COL22A1: variants seen among roughly 807,000 people sequenced by gnomAD.
The protein encoded by COL22A1 is collagen alpha-1(XXII) chain.
COL22A1 carries 221 observed loss-of-function variants against 248.9 expected under a neutral mutation model. That is an observed-to-expected ratio of 0.89 (90% CI 0.80 to 0.99). The LOEUF is 0.99. Among genes scored for constraint, COL22A1 ranks in the 50% least tolerant of loss-of-function variants. The probability of loss-of-function intolerance (pLI) is 0.00; values close to 1 mark genes in which losing one functional copy is unlikely to be tolerated. For synonymous variants in COL22A1, 891 were observed against 793.4 expected (o/e 1.12, Z -2.07); for missense variants, 2,240 against 2,179.0 (o/e 1.03, Z -0.56).
In COL22A1 at chr8:138,589,305, C is replaced by G; in HGVS notation, c.4829G>C (p.Cys1610Ser). Residue 1610 changes from cysteine (C) to serine (S), a missense_variant, in exon 65 of 65, where the codon TGT (cysteine) becomes TCT (serine). Transcript: ENST00000303045. Reference sequence around the variant, plus strand: ...GGCAGCAAGGCTGGCGAAGTAGGCACACTGGGAAGGGTCACATTGGCCTGG... The same window carrying G: ...GGCAGCAAGGCTGGCGAAGTAGGCAGACTGGGAAGGGTCACATTGGCCTGG... The part of the protein sequence containing the change: ...GPPGQCDPSQ[C>S]AYFASLAARP... 1 of 1,613,840 alleles carries G rather than the reference C, an allele frequency of 6.2e-7. No individual in the cohort carries two copies.
At chr8:138,598,516 T>C (rs1364844526) in intron 61 of COL22A1, among the ~76,000 whole-genome samples, 3 of 152,248 alleles carry the variant, frequency 2.0e-5, no homozygotes, top group East Asian at 3.8e-4. Context: ...TTGATCATCA[T>C]AAATCAGAAG....
chr8:138,745,087 T>C (rs1452422433), intron 22 of COL22A1, among the ~76,000 whole-genome samples: 1 of 152,240 alleles, frequency 6.6e-6, no homozygotes, highest in Admixed American at 6.5e-5. Context: ...TTTCTCACTG[T>C]GAGTCTCAAA....
intron 22 of COL22A1, among the ~76,000 whole-genome samples, chr8:138,742,250 A>T (rs1485305608): frequency 6.9e-6 from 1 of 145,308 alleles, no homozygotes; most frequent in Non-Finnish European, 1.5e-5. Context: ...GATGGTGGTG[A>T]TGGTGACGAT....
intron 23 of COL22A1, among the ~76,000 whole-genome samples, chr8:138,731,440 G>A (rs563866221): frequency 6.6e-6 from 1 of 152,132 alleles, no homozygotes; most frequent in Admixed American, 6.5e-5. Flanking sequence ...AAGGTGATAG[G>A]GGGAGGGATG....
At chr8:138,613,587 C>CTAGA (rs1819076897) in intron 56 of COL22A1, among the ~76,000 whole-genome samples, 1 of 152,044 alleles carries the variant, frequency 6.6e-6, no homozygotes, top group African/African-American at 2.4e-5. Flanking sequence ...TGGCCCAGAG[C>CTAGA]TAGAGCACAG....
At chr8:138,759,837 A>C (rs993541453) in intron 18 of COL22A1, among the ~76,000 whole-genome samples, 1 of 152,192 alleles carries the variant, frequency 6.6e-6, no homozygotes, top group African/African-American at 2.4e-5. Flanking sequence ...AAAATGTAGT[A>C]GAGAAGGAGA....
chr8:138,617,553 C>T (rs539650977), intron 53 of COL22A1, among the ~76,000 whole-genome samples: 14 of 152,110 alleles, frequency 9.2e-5, no homozygotes, highest in African/African-American at 3.4e-4. Context: ...AAGATTAAAC[C>T]ATTAGCAGAG....
intron 30 of COL22A1, among the ~76,000 whole-genome samples, chr8:138,714,864 G>T (rs1334446084): frequency 6.6e-6 from 1 of 152,158 alleles, no homozygotes; most frequent in Non-Finnish European, 1.5e-5. Flanking sequence ...CTGGGCTCAT[G>T]AACGATGCAG....
intron 7 of COL22A1, 52 bp downstream of exon 7, chr8:138,821,084 C>A: frequency 6.3e-7 from 1 of 1,589,648 alleles, no homozygotes. Flanking sequence ...GCTCCCAAGG[C>A]TTCTCCCCGG....
At chr8:138,657,331 G>A (rs1285640248) in intron 44 of COL22A1, among the ~76,000 whole-genome samples, 1 of 152,354 alleles carries the variant, frequency 6.6e-6, no homozygotes, top group Middle Eastern at 3.4e-3. Flanking sequence ...CCCCTAGGAA[G>A]TTAATAATAG....
chr8:138,691,891 G>GCGGTGT (rs1826983277), intron 35 of COL22A1, among the ~76,000 whole-genome samples: 1 of 58,978 alleles, frequency 1.7e-5, no homozygotes, highest in Non-Finnish European at 3.5e-5. Context: ...TGTATGTGTG[G>GCGGTGT]AGGTGTATGT....
At chr8:138,842,594 T>C (rs1194731367) in intron 4 of COL22A1, among the ~76,000 whole-genome samples, 1 of 152,214 alleles carries the variant, frequency 6.6e-6, no homozygotes, top group Non-Finnish European at 1.5e-5. Context: ...GTGGGAATGT[T>C]GAAGTGAAAC....
chr8:138,722,030 A>G lies in COL22A1; in HGVS notation c.2301+6T>C, dbSNP rs370400223. Reference sequence around the variant, plus strand: ...CAAACTGGTGCCAACCGCATCAGTGACCAACCTTGGTTCCTGGCGGACCTG... The same window carrying G: ...CAAACTGGTGCCAACCGCATCAGTGGCCAACCTTGGTTCCTGGCGGACCTG... On this transcript the variant is annotated splice_donor_region_variant and intron_variant, in intron 26 of 64. Coordinates refer to ENST00000303045, the MANE Select transcript of COL22A1 (RefSeq NM_152888.3). 68 of 1,570,288 alleles carry G rather than the reference A, an allele frequency of 4.3e-5. No individual in the cohort carries two copies. In the African/African-American group the frequency reaches 6.3e-4, roughly 15 times the overall value.
At chr8:138,785,681 C>T (rs1815458391) in intron 12 of COL22A1, among the ~76,000 whole-genome samples, 1 of 152,182 alleles carries the variant, frequency 6.6e-6, no homozygotes, top group Non-Finnish European at 1.5e-5. Flanking sequence ...GGCAGCAGGA[C>T]ACCTTGGCCT....
intron 1 of COL22A1, among the ~76,000 whole-genome samples, chr8:138,907,665 G>A (rs541726906): frequency 3.3e-5 from 5 of 152,268 alleles, no homozygotes; most frequent in African/African-American, 9.6e-5. Flanking sequence ...AATACAGACT[G>A]GGCAATTTAT....
intron 41 of COL22A1, among the ~76,000 whole-genome samples, chr8:138,672,204 T>C (rs577527358): frequency 4.7e-4 from 72 of 152,276 alleles, no homozygotes; most frequent in East Asian, 3.9e-3. Context: ...TATCTCTGTT[T>C]CCTCACTTGT....
rs564893740 is a variant in COL22A1, at chr8:138,844,857, G to A, written c.659-699C>T. On this transcript the variant is annotated intron_variant, in intron 3 of 64. Coordinates refer to ENST00000303045, the MANE Select transcript of COL22A1 (RefSeq NM_152888.3). ...CCCAGCTACTCGGGAGGCTGAGGCA[G>A]GAGAATGGTGTGAATCCGGGAGGCG... Among the ~76,000 whole-genome samples, 11 of 151,872 alleles carry A rather than the reference G, an allele frequency of 7.2e-5. No homozygotes were observed. In the South Asian group the frequency reaches 1.9e-3, roughly 26 times the overall value.
chr8:138,727,561 G>A (rs1830409670), intron 23 of COL22A1, among the ~76,000 whole-genome samples: 2 of 152,182 alleles, frequency 1.3e-5, no homozygotes, highest in Non-Finnish European at 1.5e-5. Flanking sequence ...GGCCACTAGA[G>A]GGCGAGAAAT....
intron 12 of COL22A1, 46 bp from the exon 13 acceptor site, chr8:138,781,026 A>G: frequency 7.2e-7 from 1 of 1,387,360 alleles, no homozygotes; most frequent in South Asian, 1.3e-5. Context: ...AATAACTGAG[A>G]CAGGCTCTCA....
Sources: allele counts gnomAD v4.1 joint callset (sites outside exome capture counted in the v4.1 genomes callset), GRCh38; gene constraint gnomAD v4.1.1; transcripts MANE v1.5; gene names NCBI Gene and HGNC (gene_info 2026-07-23, HGNC 2026-07-21).